PCDHGA4: variants seen among roughly 807,000 people sequenced by gnomAD.
PCDHGA4 encodes protocadherin gamma-A4.
PCDHGA4 carries 38 observed loss-of-function variants against 54.6 expected under a neutral mutation model. The observed-to-expected ratio is 0.70, with a 90% CI of 0.54 to 0.91. PCDHGA4 has a LOEUF of 0.91. PCDHGA4 is among the 40% of genes least tolerant of loss of function. The pLI is 0.00. For synonymous variants in PCDHGA4, 511 were observed against 512.9 expected (o/e 1.00, Z 0.05); for missense variants, 1,298 against 1,220.9 (o/e 1.06, Z -0.94).
intron 1 of PCDHGA4, chr5:141,426,833 G>T: frequency 2.2e-6 from 1 of 456,680 alleles, no homozygotes; most frequent in Non-Finnish European, 4.4e-6. Flanking sequence ...TGATGGACAA[G>T]ACTAAAGGCA....
At chr5:141,398,565 A>G (rs2150749377) in intron 1 of PCDHGA4, 2 of 1,614,040 alleles carry the variant, frequency 1.2e-6, no homozygotes, top group South Asian at 1.1e-5. Context: ...GTGAGTCTGC[A>G]CAGCCTGGCA....
In PCDHGA4 at chr5:141,415,740, GTTTTTTTTTT is replaced by G. The variant is rs57426385; in HGVS notation, c.2514+58142_2514+58151del. The G allele has an allele frequency of 4.3e-3, 2,655 of 623,934 alleles. 2 individuals carry two copies. The highest frequency in any genetic ancestry group is 4.3e-3 in the Non-Finnish European group (2,016 of 468,394). The allele number at this position is 623,934 out of a possible 1,614,324, so 38.6% of individuals were successfully genotyped here. ...TGAGTAGAATTTGATGTTTATTAAG[GTTTTTTTTTT>G]TTTTTTTTTTTTTTTTTTTTTTACT... On this transcript the variant is annotated intron_variant, in intron 1 of 3. Coordinates refer to ENST00000571252, the MANE Select transcript of PCDHGA4 (RefSeq NM_018917.4).
At chr5:141,421,754 A>G (rs1230343518) in intron 1 of PCDHGA4, 4 of 1,613,918 alleles carry the variant, frequency 2.5e-6, no homozygotes, top group East Asian at 2.2e-5. Context: ...CTCAGCCCTA[A>G]TAATTACTTT....
At chr5:141,410,585 G>A in intron 1 of PCDHGA4, 1 of 1,610,012 alleles carries the variant, frequency 6.2e-7, no homozygotes, top group South Asian at 1.1e-5. Flanking sequence ...TCATGGTGGG[G>A]AGGATTTGAC....
chr5:141,433,304 C>T, intron 1 of PCDHGA4: 1 of 932,004 alleles, frequency 1.1e-6, no homozygotes, highest in Non-Finnish European at 1.6e-6. Context: ...AGCAATTATC[C>T]CACCTTTGCC....
intron 1 of PCDHGA4, among the ~76,000 whole-genome samples, chr5:141,443,486 A>AAAAC (rs1345310906): frequency 6.6e-6 from 1 of 152,166 alleles, no homozygotes; most frequent in Non-Finnish European, 1.5e-5. Flanking sequence ...ACCCTGTCCC[A>AAAAC]AAACAAACAA....
intron 1 of PCDHGA4, chr5:141,364,516 C>A: frequency 6.2e-7 from 1 of 1,614,002 alleles, no homozygotes; most frequent in Non-Finnish European, 8.5e-7. Context: ...TGGCGGAGCG[C>A]GGAGTCCGCA....
intron 1 of PCDHGA4, chr5:141,393,030 C>T (rs1376617687): frequency 1.2e-6 from 2 of 1,613,780 alleles, no homozygotes; most frequent in Admixed American, 3.3e-5. Context: ...AGGTAGGACG[C>T]AGCTCTTTGC....
At chr5:141,404,791 G>A (rs747844350) in intron 1 of PCDHGA4, 2 of 1,613,932 alleles carry the variant, frequency 1.2e-6, no homozygotes, top group Non-Finnish European at 8.5e-7. Flanking sequence ...AGGCCAGTGA[G>A]CCAGGGCTCT....
In PCDHGA4 at chr5:141,485,818, C is replaced by T; in HGVS notation, c.2515-8989C>T. 6 of 1,613,912 alleles carry T rather than the reference C, an allele frequency of 3.7e-6. No homozygotes were observed. The highest frequency in any genetic ancestry group is 5.1e-6 in the Non-Finnish European group (6 of 1,179,974). On this transcript the variant is annotated intron_variant, in intron 1 of 3. Transcript: ENST00000571252. This position sits in a 1 kb window ranked among gnomAD's most constrained non-coding sequence, Gnocchi z 5.7. ...ACTACCGCCTGGTGCTGACTGCTGTCGATGGAGGGAACCCGCCGAGATCTG... is the reference window on the plus strand; with the variant it reads ...ACTACCGCCTGGTGCTGACTGCTGTTGATGGAGGGAACCCGCCGAGATCTG...
At chr5:141,447,023 G>GT (rs5871773) in intron 1 of PCDHGA4, among the ~76,000 whole-genome samples, 28,105 of 151,474 alleles carry the variant, frequency 0.19, 2,731 homozygotes, top group African/African-American at 0.24. Context: ...GTTTTGTTTT[G>GT]TTTTTTTTCT....
intron 1 of PCDHGA4, chr5:141,416,530 G>C (rs976560428): frequency 6.6e-6 from 1 of 152,160 alleles, no homozygotes; most frequent in Non-Finnish European, 1.5e-5. Context: ...GCTCTTTAAT[G>C]TATAAGGAGG....
At chr5:141,445,364 C>T (rs1374418361) in intron 1 of PCDHGA4, among the ~76,000 whole-genome samples, 1 of 152,158 alleles carries the variant, frequency 6.6e-6, no homozygotes, top group African/African-American at 2.4e-5. Flanking sequence ...CAAGTCTGGT[C>T]CTGGGTGGTT....
chr5:141,371,512 A>C, intron 1 of PCDHGA4: 2 of 1,613,868 alleles, frequency 1.2e-6, no homozygotes, highest in African/African-American at 2.7e-5. Flanking sequence ...AAAACACATG[A>C]TCTAGATTCT....
intron 1 of PCDHGA4, chr5:141,364,782 G>A (rs1315121311): frequency 6.2e-7 from 1 of 1,613,884 alleles, no homozygotes; most frequent in African/African-American, 1.3e-5. Flanking sequence ...GCAGGGACAC[G>A]GTTAGTGCTT....
chr5:141,492,962 C>T (rs1197532146), intron 1 of PCDHGA4, among the ~76,000 whole-genome samples: 2 of 152,258 alleles, frequency 1.3e-5, no homozygotes, highest in Non-Finnish European at 2.9e-5. Context: ...CTATCTGACA[C>T]TCTAACAAGT....
chr5:141,486,725 C>A lies in PCDHGA4; in HGVS notation c.2515-8082C>A. 1 of 1,614,182 alleles carries A rather than the reference C, an allele frequency of 6.2e-7. No individual in the cohort carries two copies. The highest frequency in any genetic ancestry group is 1.1e-5 in the South Asian group (1 of 91,076). On this transcript the variant is annotated intron_variant, in intron 1 of 3. Transcript: ENST00000571252. The surrounding 1 kb of genome is among the most constrained non-coding windows in gnomAD (Gnocchi z 5.0). ...TCTGAACCCCCAGACAGGAGCTGTT[C>A]ATGCTACTCGATCCTTTGACTATGA...
rs1431516547 is a variant in PCDHGA4, at chr5:141,361,467, C to G, written c.2514+3846C>G. The G allele has an allele frequency of 5.6e-6, 9 of 1,613,928 alleles. No individual in the cohort carries two copies. The highest frequency in any genetic ancestry group is 7.6e-6 in the Non-Finnish European group (9 of 1,179,906). ...TAATTGTCACCCTGCACATCTCCGA[C>G]GTCAACGATAATGCCCCAGTTTTCC... On this transcript the variant is annotated intron_variant, in intron 1 of 3. Transcript: ENST00000571252.
At chr5:141,359,980 T>C in intron 1 of PCDHGA4, 1 of 851,316 alleles carries the variant, frequency 1.2e-6, no homozygotes, top group Non-Finnish European at 1.7e-6. Flanking sequence ...GGGAGCCTCT[T>C]AGAGGGGAAC....
Sources: gnomAD v4.1 joint callset for allele counts (sites outside exome capture counted in the v4.1 genomes callset) on GRCh38, gnomAD v4.1.1 for gene constraint, Gnocchi (gnomAD v3.1) non-coding constraint, MANE v1.5 for transcripts, NCBI Gene and HGNC (gene_info 2026-07-23, HGNC 2026-07-21) for gene names.